Variants in CCDC7 observed in about 807,000 individuals in gnomAD.
CCDC7 encodes the protein coiled-coil domain containing 7.
Under a neutral mutation model 196.9 loss-of-function variants are expected in CCDC7, and 183 were observed. That is an observed-to-expected ratio of 0.93 (90% CI 0.82 to 1.05). The LOEUF (loss-of-function observed/expected upper bound fraction) is 1.05, where lower values mean the gene tolerates loss of function less well. CCDC7 is among the 50% of genes least tolerant of loss of function. CCDC7 has a pLI of 0.00. For missense variants in CCDC7, 1,540 were observed against 1,482.2 expected, an observed-to-expected ratio of 1.04 and a Z score of -0.64; for synonymous variants, 525 against 484.6, an observed-to-expected ratio of 1.08 and a Z score of -1.10.
At chr10:32,551,259 TTC>T (rs1320699161) in intron 13 of CCDC7, among the ~76,000 whole-genome samples, 1 of 152,190 alleles carries the variant, frequency 6.6e-6, no homozygotes, top group African/African-American at 2.4e-5. Flanking sequence ...CCTGTTTTAT[TTC>T]TTAGTGAGGT....
chr10:32,695,334 T>C (rs2077575189), intron 24 of CCDC7, among the ~76,000 whole-genome samples: 1 of 152,200 alleles, frequency 6.6e-6, no homozygotes, highest in Non-Finnish European at 1.5e-5. Context: ...CCTTCTGTCA[T>C]AGACTCTAAT....
intron 9 of CCDC7, among the ~76,000 whole-genome samples, chr10:32,501,730 ACCAGCCAGATG>A (rs777089240): frequency 6.6e-6 from 1 of 152,186 alleles, no homozygotes; most frequent in African/African-American, 2.4e-5. Flanking sequence ...TCAGAGGGGC[ACCAGCCAGATG>A]CCAGCCAGAG....
chr10:32,584,190 G>A, intron 17 of CCDC7, 42 bp from the exon 19 acceptor site: 6 of 1,034,664 alleles, frequency 5.8e-6, no homozygotes, highest in South Asian at 1.8e-5. Context: ...ATATATATAT[G>A]TATATAATTT....
intron 24 of CCDC7, among the ~76,000 whole-genome samples, chr10:32,702,370 C>G (rs963733599): frequency 5.9e-5 from 9 of 152,176 alleles, no homozygotes; most frequent in African/African-American, 1.9e-4. Context: ...TTTGATTGCA[C>G]TGTGGTCTGA....
intron 41 of CCDC7, among the ~76,000 whole-genome samples, chr10:32,871,821 A>G (rs1308324244): frequency 7.8e-6 from 1 of 128,146 alleles, no homozygotes; most frequent in African/African-American, 2.5e-5. Flanking sequence ...CATTGGTTTC[A>G]AAGAACATCT....
chr10:32,695,202 T>C (rs1016164434), intron 24 of CCDC7, among the ~76,000 whole-genome samples: 3 of 152,226 alleles, frequency 2.0e-5, no homozygotes, highest in Admixed American at 6.5e-5. Flanking sequence ...CATGCTCATG[T>C]GCTCGGTGTC....
chr10:32,513,220 T>C (rs1229329269), intron 9 of CCDC7: 1 of 152,158 alleles, frequency 6.6e-6, no homozygotes, highest in Admixed American at 6.5e-5. Context: ...GGGAATACTA[T>C]GAATAACTAT....
intron 8 of CCDC7, among the ~76,000 whole-genome samples, chr10:32,483,825 C>T (rs190195277): frequency 3.9e-5 from 6 of 152,092 alleles, no homozygotes; most frequent in South Asian, 2.1e-4. Flanking sequence ...GTATTATTTC[C>T]AAGGGCTCTA....
chr10:32,539,548 T>G (rs2051066018), intron 11 of CCDC7, among the ~76,000 whole-genome samples: 1 of 152,176 alleles, frequency 6.6e-6, no homozygotes, highest in Non-Finnish European at 1.5e-5. Flanking sequence ...TTGGTACTTC[T>G]TGCCTTTTGC....
intron 9 of CCDC7, among the ~76,000 whole-genome samples, chr10:32,497,296 A>G (rs2043063248): frequency 1.3e-5 from 2 of 151,874 alleles, no homozygotes; most frequent in Non-Finnish European, 2.9e-5. Context: ...TTCTTCATTA[A>G]TCTGGGTAGC....
At chr10:32,619,956 C>G (rs975921300) in intron 18 of CCDC7, among the ~76,000 whole-genome samples, 2 of 122,558 alleles carry the variant, frequency 1.6e-5, no homozygotes, top group African/African-American at 7.4e-5. Context: ...AGAGTCTTGC[C>G]CTGTCACCCA....
chr10:32,687,532 T>A (rs2076598717), intron 22 of CCDC7, among the ~76,000 whole-genome samples: 2 of 152,184 alleles, frequency 1.3e-5, no homozygotes, highest in Admixed American at 1.3e-4. Context: ...AAGGGTCATG[T>A]TTTTGGTGGC....
chr10:32,694,922 A>G (rs1254439604), exon 24 of CCDC7: 1 of 1,605,936 alleles, frequency 6.2e-7, no homozygotes, highest in Non-Finnish European at 8.5e-7. Context: ...TTGAACATCA[A>G]GATTCAGTGT....
chr10:32,816,963 G>T (rs1484346108), intron 31 of CCDC7, among the ~76,000 whole-genome samples: 1 of 152,228 alleles, frequency 6.6e-6, no homozygotes, highest in African/African-American at 2.4e-5. Context: ...CTCCTCACAA[G>T]CAACGGAACA....
At chr10:32,802,417 C>A (rs1322417560) in intron 29 of CCDC7, among the ~76,000 whole-genome samples, 1 of 152,094 alleles carries the variant, frequency 6.6e-6, no homozygotes, top group African/African-American at 2.4e-5. Context: ...GAAGTAGAAT[C>A]CTTAGCATTT....
At chr10:32,828,543 G>T (rs562692852) in intron 32 of CCDC7, among the ~76,000 whole-genome samples, 2 of 147,514 alleles carry the variant, frequency 1.4e-5, no homozygotes, top group Admixed American at 6.8e-5. Context: ...AGAAGAAGAA[G>T]AAGAAGAAGA....
intron 29 of CCDC7, 71 bp downstream of exon 30, chr10:32,779,155 C>A: frequency 1.7e-6 from 2 of 1,177,950 alleles, no homozygotes; most frequent in South Asian, 1.6e-5. Context: ...CTGTATAGTT[C>A]TGTTAAAAAA....
chr10:32,718,575 G>T (rs1251312774), intron 25 of CCDC7, among the ~76,000 whole-genome samples: 1 of 152,102 alleles, frequency 6.6e-6, no homozygotes, highest in Admixed American at 6.6e-5. Context: ...ATGAGAGGAA[G>T]TCAAATTGTC....
chr10:32,859,865 A>G (rs1449220578), intron 41 of CCDC7, among the ~76,000 whole-genome samples: 1 of 152,230 alleles, frequency 6.6e-6, no homozygotes, highest in Non-Finnish European at 1.5e-5. Context: ...TAAACCAGGA[A>G]GAGGTCGAAT....
Sources: gnomAD v4.1 joint callset for allele counts (sites outside exome capture counted in the v4.1 genomes callset) on GRCh38, gnomAD v4.1.1 for gene constraint, MANE v1.5 for transcripts, NCBI Gene and HGNC (gene_info 2026-07-23, HGNC 2026-07-21) for gene names.